MCUB: variants seen among roughly 807,000 people sequenced by gnomAD.
The protein encoded by MCUB is calcium uniporter regulatory subunit MCUb, mitochondrial.
Under a neutral mutation model 41.4 loss-of-function variants are expected in MCUB, and 46 were observed. The ratio of observed to expected loss-of-function variants is 1.11; its 90% CI spans 0.88 to 1.42. The LOEUF (loss-of-function observed/expected upper bound fraction) is 1.42. Among genes scored for constraint, MCUB ranks in the 40% most tolerant of loss-of-function variants. MCUB has a pLI of 0.00. For synonymous variants in MCUB, 148 were observed against 148.2 expected (o/e 1.00, Z 0.01); for missense variants, 403 against 404.9 (o/e 1.00, Z 0.04).
intron 1 of MCUB, among the ~76,000 whole-genome samples, chr4:109,644,781 A>T (rs532420451): frequency 1.3e-5 from 2 of 152,304 alleles, no homozygotes; most frequent in South Asian, 4.1e-4. Flanking sequence ...TTTACACATA[A>T]ATCTTTGTTT....
intron 1 of MCUB, among the ~76,000 whole-genome samples, chr4:109,603,348 C>T (rs1003004254): frequency 3.9e-5 from 6 of 152,188 alleles, no homozygotes; most frequent in African/African-American, 7.2e-5. Flanking sequence ...CTGCCTGCCT[C>T]GGCCTCCCGA....
intron 1 of MCUB, among the ~76,000 whole-genome samples, chr4:109,583,836 C>G (rs1263750438): frequency 6.6e-6 from 1 of 152,002 alleles, no homozygotes; most frequent in Non-Finnish European, 1.5e-5. Context: ...GGTTTTTGTC[C>G]TTGGTTCTGT....
intron 1 of MCUB, among the ~76,000 whole-genome samples, chr4:109,636,282 A>G (rs968979597): frequency 1.3e-5 from 2 of 152,210 alleles, no homozygotes; most frequent in Non-Finnish European, 2.9e-5. Context: ...TCAGTCACAT[A>G]TATACAAATT....
intron 1 of MCUB, among the ~76,000 whole-genome samples, chr4:109,604,027 T>G (rs1727812922): frequency 6.6e-6 from 1 of 152,088 alleles, no homozygotes; most frequent in Non-Finnish European, 1.5e-5. Flanking sequence ...AGACTCCATT[T>G]TGTTCTGTAC....
rs192437998 is a variant in MCUB at position 109,687,397 on chromosome 4, T to C, written c.934-118T>C. ...ATATATTTCAGCCATTTGCCACTAA[T>C]AGTTTAAACATTTTATTGCTGTAAG... On this transcript the variant is annotated intron_variant, in intron 7 of 7. Coordinates refer to ENST00000394650, the MANE Select transcript of MCUB (RefSeq NM_017918.5). 347 of 660,038 alleles carry C rather than the reference T, an allele frequency of 5.3e-4. No homozygotes were observed. In the African/African-American group the frequency reaches 5.9e-3, roughly 11 times the overall value. 40.9% of individuals were successfully genotyped at this position (660,038 alleles called of 1,614,324 possible). A position where few individuals can be genotyped will look rare whatever the true frequency, so the allele number is the denominator to read the frequency against.
chr4:109,592,826 A>G (rs28615350), intron 1 of MCUB, among the ~76,000 whole-genome samples: 2,979 of 152,326 alleles, frequency 0.02, 62 homozygotes, highest in South Asian at 0.074. Context: ...AAGATATAAA[A>G]CATTTCCATC....
chr4:109,619,118 GTGCAA>G (rs1397295364), intron 1 of MCUB, among the ~76,000 whole-genome samples: 1 of 151,950 alleles, frequency 6.6e-6, no homozygotes. Context: ...CCAGGCTGGA[GTGCAA>G]TGGTGTGATC....
chr4:109,636,976 G>A lies in MCUB; in HGVS notation c.100-22035G>A, dbSNP rs1315033678. Among the ~76,000 whole-genome samples, 6 of 152,224 alleles carry A rather than the reference G, an allele frequency of 3.9e-5. No homozygotes were observed. The East Asian group carries it at 9.6e-4, about 24-fold the overall frequency. ...CTTCTGAGAGTAATTTTAGTGAAAT[G>A]ATGGGGCAGAAGCCAGATTGCAATG... On this transcript the variant is annotated intron_variant, in intron 1 of 7. Coordinates refer to ENST00000394650, the MANE Select transcript of MCUB (RefSeq NM_017918.5).
intron 4 of MCUB, 26 bp from the exon 5 acceptor site, chr4:109,682,556 C>T (rs1355639056): frequency 6.3e-7 from 1 of 1,579,270 alleles, no homozygotes. Context: ...TGGTGACTGG[C>T]TTGTTTCCCT....
At chr4:109,583,132 G>T (rs995231678) in intron 1 of MCUB, among the ~76,000 whole-genome samples, 2 of 152,138 alleles carry the variant, frequency 1.3e-5, no homozygotes, top group Admixed American at 6.6e-5. Context: ...GTATGGCATT[G>T]AATCTATAAA....
intron 1 of MCUB, among the ~76,000 whole-genome samples, chr4:109,586,546 A>C (rs919239850): frequency 6.6e-6 from 1 of 151,888 alleles, no homozygotes; most frequent in East Asian, 1.9e-4. Flanking sequence ...TGATTTTTAG[A>C]ATTTTCAGCT....
chr4:109,562,134 C>T (rs909615223), intron 1 of MCUB, among the ~76,000 whole-genome samples: 6 of 152,140 alleles, frequency 3.9e-5, no homozygotes, highest in African/African-American at 1.4e-4. Flanking sequence ...CTCAAATTAT[C>T]ACCTGCAAAT....
chr4:109,602,607 A>G (rs1727769223), intron 1 of MCUB, among the ~76,000 whole-genome samples: 1 of 152,150 alleles, frequency 6.6e-6, no homozygotes, highest in Admixed American at 6.5e-5. Context: ...TGGTTATGAT[A>G]GCTCTGTAGT....
intron 1 of MCUB, among the ~76,000 whole-genome samples, chr4:109,634,674 T>C (rs942184310): frequency 1.3e-5 from 2 of 152,168 alleles, no homozygotes; most frequent in Non-Finnish European, 2.9e-5. Flanking sequence ...GATTCAATCA[T>C]GTTGTTGCAT....
chr4:109,593,602 T>C (rs1364746225), intron 1 of MCUB, among the ~76,000 whole-genome samples: 1 of 152,226 alleles, frequency 6.6e-6, no homozygotes, highest in Non-Finnish European at 1.5e-5. Flanking sequence ...GAAATTTGTT[T>C]AGAACACCAA....
intron 1 of MCUB, among the ~76,000 whole-genome samples, chr4:109,623,080 G>C (rs997252508): frequency 1.3e-5 from 2 of 152,164 alleles, no homozygotes; most frequent in Non-Finnish European, 2.9e-5. Context: ...CGCCCTGCAT[G>C]AAGACGGCAA....
intron 1 of MCUB, among the ~76,000 whole-genome samples, chr4:109,594,473 T>C (rs1327335555): frequency 6.6e-6 from 1 of 152,164 alleles, no homozygotes; most frequent in Non-Finnish European, 1.5e-5. Flanking sequence ...CTGGCCAATA[T>C]GGTGAAACCC....
At chr4:109,570,996 A>G (rs1726901881) in intron 1 of MCUB, among the ~76,000 whole-genome samples, 1 of 152,214 alleles carries the variant, frequency 6.6e-6, no homozygotes, top group African/African-American at 2.4e-5. Flanking sequence ...AGTCAAGGGA[A>G]GAATCAGAGT....
chr4:109,648,724 CAA>C (rs59279944), intron 1 of MCUB: 53,654 of 233,908 alleles, frequency 0.23, 3,911 homozygotes, highest in Admixed American at 0.29. Flanking sequence ...TACAGAGAAG[CAA>C]AAAAAAAAAA....
Sources: gnomAD v4.1 joint callset for allele counts (sites outside exome capture counted in the v4.1 genomes callset) on GRCh38, gnomAD v4.1.1 for gene constraint, MANE v1.5 for transcripts, NCBI Gene and HGNC (gene_info 2026-07-23, HGNC 2026-07-21) for gene names.